Variants in ZNF740 observed in about 807,000 individuals in gnomAD.
ZNF740 encodes the protein zinc finger protein 740, also known as oriLyt TD-element-binding protein 7.
A neutral mutation model predicts 24.8 loss-of-function variants in ZNF740; 14 were observed. The observed-to-expected ratio is 0.56, with a 90% CI of 0.37 to 0.88. The LOEUF (loss-of-function observed/expected upper bound fraction) is 0.88. Ranked by LOEUF, ZNF740 falls within the 40% of genes least tolerant of loss-of-function variation. ZNF740 has a pLI of 0.00. For synonymous variants in ZNF740, 69 were observed against 84.0 expected (o/e 0.82, Z 0.98); for missense variants, 201 against 247.9 (o/e 0.81, Z 1.27).
In ZNF740 at chr12:53,184,960, A is replaced by G. The variant is rs747830767; in HGVS notation, c.79A>G (p.Met27Val). The change falls in exon 3 of 7, where the codon ATG becomes GTG. Residue 27 changes from methionine to valine, a missense_variant. Around this residue, in one of 3 missense-constraint regions of ZNF740, gnomAD observed 117 missense variants for 122.3 expected, o/e 0.96. Coordinates refer to ENST00000416904, the MANE Select transcript of ZNF740 (RefSeq NM_001004304.4). ...TCCCACTGCAGCCAGCAAGAAGATG[A>G]TGCTGAGCCAGATTGCCAGCAAGCA... is the stretch of plus-strand genomic sequence containing the variant. ...LVPTAASKKM[M>V]LSQIASKQAE... The G allele has an allele frequency of 1.2e-6, 2 of 1,614,044 alleles. No homozygotes were observed. Among genetic ancestry groups the G allele is most frequent in the East Asian group, 4.5e-5 (2 of 44,888 alleles).
In ZNF740 at chr12:53,192,658, C is replaced by T; in HGVS notation, c.*5068C>T. On this transcript the variant is annotated 3_prime_UTR_variant, in exon 7 of 7. Coordinates refer to ENST00000416904, the MANE Select transcript of ZNF740 (RefSeq NM_001004304.4). ...GTAGCTCAACAAGCCCCACTGTGCC[C>T]CTGCTCCCAAGATGCAAGACCTGAG... 1.2e-6 allele frequency: 2 copies of T among 1,605,964 alleles called. No homozygotes were observed. Among genetic ancestry groups the T allele is most frequent in the East Asian group, 2.2e-5 (1 of 44,714 alleles).
Position 53,181,706 on chromosome 12 carries a change from A to C in ZNF740, c.-278A>C. On this transcript the variant is annotated 5_prime_UTR_variant, in exon 2 of 7. Transcript: ENST00000416904. ...CTGAAACAGATCGTGAGCTTCATCA[A>C]GAGAATTCAACTGGAAAACCAAGAC... The C allele has an allele frequency of 2.1e-6, 1 of 474,148 alleles. No individual in the cohort carries two copies. Among genetic ancestry groups the C allele is most frequent in the East Asian group, 4.4e-5 (1 of 22,844 alleles). 29.4% of individuals were successfully genotyped at this position (474,148 alleles called of 1,614,324 possible).
At chr12:53,183,528 C>T (rs1219086124) in intron 2 of ZNF740, among the ~76,000 whole-genome samples, 3 of 151,912 alleles carry the variant, frequency 2.0e-5, no homozygotes, top group South Asian at 2.1e-4. Flanking sequence ...TCTTTAATGC[C>T]GGCTAACCGA....
In ZNF740 at chr12:53,188,408, T is replaced by C. The variant is rs1941863806; in HGVS notation, c.*818T>C. On this transcript the variant is annotated 3_prime_UTR_variant, in exon 7 of 7. Transcript: ENST00000416904. ...TGGCCCATGAAGCCCTTTTCTTCTT[T>C]TTTTGGGGAGTCGGTCTTGGAGATG... is the stretch of plus-strand genomic sequence containing the variant. 1 of 152,610 alleles carries C rather than the reference T, an allele frequency of 6.6e-6. No homozygotes were observed. Among genetic ancestry groups the C allele is most frequent in the Non-Finnish European group, 1.5e-5 (1 of 68,038 alleles). 9.5% of individuals were successfully genotyped at this position (152,610 alleles called of 1,614,324 possible). A position where few individuals can be genotyped will look rare whatever the true frequency, so the allele number is the denominator to read the frequency against.
Position 53,194,360 on chromosome 12 carries a change from G to A in ZNF740, c.*6770G>A, listed in dbSNP as rs376658776. On this transcript the variant is annotated 3_prime_UTR_variant, in exon 7 of 7. Transcript: ENST00000416904. ...AAGACAGGCTCTATGGGAAGAGAGC[G>A]AGTGGATAACCACGTGAAGGCAGAA... The A allele has an allele frequency of 2.3e-5, 37 of 1,613,160 alleles. No homozygotes were observed. In the African/African-American group the frequency reaches 3.7e-4, roughly 16 times the overall value.
chr12:53,194,761 C>T lies in ZNF740; in HGVS notation c.*7171C>T, dbSNP rs946530554. ...TCTTGCCATAGGTTTAGGAGATGCT[C>T]CCTGTTATCAAGAAGCCTACAGCCT... is the stretch of plus-strand genomic sequence containing the variant. On this transcript the variant is annotated 3_prime_UTR_variant, in exon 7 of 7. Transcript: ENST00000416904. The T allele has an allele frequency of 5.6e-6, 1 of 177,330 alleles. No individual in the cohort carries two copies. Among genetic ancestry groups the T allele is most frequent in the African/African-American group, 2.4e-5 (1 of 42,424 alleles). The allele number at this position is 177,330 out of a possible 1,614,324, so 11.0% of individuals were successfully genotyped here. A position where few individuals can be genotyped will look rare whatever the true frequency, so the allele number is the denominator to read the frequency against.
At chr12:53,185,184 A>AT in intron 3 of ZNF740, 144 bp downstream of exon 3, 2 of 1,375,830 alleles carry the variant, frequency 1.5e-6, no homozygotes, top group Non-Finnish European at 2.0e-6. Context: ...GAACATTGGT[A>AT]TTTCAGAAAG....
At chr12:53,187,425 C>T in intron 6 of ZNF740, 76 bp from the exon 7 acceptor site, 2 of 1,210,608 alleles carry the variant, frequency 1.7e-6, no homozygotes, top group Admixed American at 1.9e-5. Flanking sequence ...GTATCTGCCT[C>T]CTGTGAGAGG....
chr12:53,184,150 T>TGTGTGTGTGCGCGCGC lies in ZNF740; in HGVS notation c.10-740_10-739insTGTGTGTGCGCGCGCG, dbSNP rs59250662. Among the ~76,000 whole-genome samples the TGTGTGTGTGCGCGCGC allele has an allele frequency of 2.5e-3, 265 of 104,396 alleles. 6 individuals carry two copies. Among genetic ancestry groups the TGTGTGTGTGCGCGCGC allele is most frequent in the African/African-American group, 9.3e-3 (249 of 26,756 alleles). The allele number at this position is 104,396 out of a possible 152,430, so 68.5% of individuals were successfully genotyped here. ...GTGTGTGTGTGTGTGTGTGTGTGTG[T>TGTGTGTGTGCGCGCGC]GCGCGCGCGCGCTCTGAAGCTAAGG... On this transcript the variant is annotated intron_variant, in intron 2 of 6. Coordinates refer to ENST00000416904, the MANE Select transcript of ZNF740 (RefSeq NM_001004304.4).
chr12:53,181,828 T>C lies in ZNF740; in HGVS notation c.-156T>C. On this transcript the variant is annotated 5_prime_UTR_variant, in exon 2 of 7. Coordinates refer to ENST00000416904, the MANE Select transcript of ZNF740 (RefSeq NM_001004304.4). ...CTTTTCTTCGGAGGACACTAAGTTCTATTTGAAGACAAAGTTCAATATGGC... is the reference window on the plus strand; with the variant it reads ...CTTTTCTTCGGAGGACACTAAGTTCCATTTGAAGACAAAGTTCAATATGGC... The C allele has an allele frequency of 1.1e-6, 1 of 920,074 alleles. No homozygotes were observed. Among genetic ancestry groups the C allele is most frequent in the Non-Finnish European group, 1.6e-6 (1 of 607,296 alleles). The allele number at this position is 920,074 out of a possible 1,614,324, so 57.0% of individuals were successfully genotyped here.
In ZNF740 at chr12:53,193,197, G is replaced by T. The variant is rs376571398; in HGVS notation, c.*5607G>T. ...CTGGCATCGTCACACTCGCACAGATGCCCAGAGCTCTGTCCACTGCAGCTG... is the reference window on the plus strand; with the variant it reads ...CTGGCATCGTCACACTCGCACAGATTCCCAGAGCTCTGTCCACTGCAGCTG... On this transcript the variant is annotated 3_prime_UTR_variant, in exon 7 of 7. Transcript: ENST00000416904. 1 of 1,614,000 alleles carries T rather than the reference G, an allele frequency of 6.2e-7. No homozygotes were observed. The highest frequency in any genetic ancestry group is 1.1e-5 in the South Asian group (1 of 91,094).
rs1941906958 is a variant in ZNF740 at position 53,190,286 on chromosome 12, C to T, written c.*2696C>T. The T allele has an allele frequency of 6.5e-6, 1 of 152,726 alleles. No individual in the cohort carries two copies. Among genetic ancestry groups the T allele is most frequent in the African/African-American group, 2.4e-5 (1 of 41,454 alleles). 9.5% of individuals were successfully genotyped at this position (152,726 alleles called of 1,614,324 possible). A position where few individuals can be genotyped will look rare whatever the true frequency, so the allele number is the denominator to read the frequency against. On this transcript the variant is annotated 3_prime_UTR_variant, in exon 7 of 7. Coordinates refer to ENST00000416904, the MANE Select transcript of ZNF740 (RefSeq NM_001004304.4). ...CTGCAGAGGCTCCTGGGCCCAATGC[C>T]CGACCCCTGCTGGCCAGCATGGGGC... is the stretch of plus-strand genomic sequence containing the variant.
Position 53,195,138 on chromosome 12 carries a change from C to T in ZNF740, c.*7548C>T. ...TGAAATAAAAGCTCAGTGATTGAAA[C>T]TTTCCTTTCTTGCCCAGAGCAGAGC... On this transcript the variant is annotated 3_prime_UTR_variant, in exon 7 of 7. Transcript: ENST00000416904. 1 of 545,228 alleles carries T rather than the reference C, an allele frequency of 1.8e-6. No homozygotes were observed. Among genetic ancestry groups the T allele is most frequent in the South Asian group, 2.4e-5 (1 of 41,626 alleles). The allele number at this position is 545,228 out of a possible 1,614,324, so 33.8% of individuals were successfully genotyped here.
Position 53,185,474 on chromosome 12 carries a change from A to C in ZNF740, c.247A>C (p.Lys83Gln), listed in dbSNP as rs1362756245. 6.2e-7 allele frequency: 1 copy of C among 1,613,702 alleles called. No homozygotes were observed. Among genetic ancestry groups the C allele is most frequent in the Non-Finnish European group, 8.5e-7 (1 of 1,179,772 alleles). Residue 83 changes from lysine to glutamine, a missense_variant and splice_region_variant, in exon 4 of 7, where the codon AAG becomes CAG. Coordinates refer to ENST00000416904, the MANE Select transcript of ZNF740 (RefSeq NM_001004304.4). ...EASHSKKTVK[K>Q]VVVVEQNGSF... ...CTCTCATTCAAAAAAGACTGTTAAA[A>C]AGGCAGGTAATGGGGTGATCCCCCA... is the stretch of plus-strand genomic sequence containing the variant.
At position 53,192,037 on chromosome 12, in the gene ZNF740, GAC is replaced by G. The variant is rs1276003313; in HGVS notation, c.*4452_*4453del. 3.1e-6 allele frequency: 5 copies of G among 1,608,498 alleles called. No individual in the cohort carries two copies. The highest frequency in any genetic ancestry group is 4.2e-6 in the Non-Finnish European group (5 of 1,176,522). ...TGCTCCCTCTGTGAACAAGAAACCA[GAC>G]ACACTTGTGGGAGCTGGAGCATAGG... is the stretch of plus-strand genomic sequence containing the variant. On this transcript the variant is annotated 3_prime_UTR_variant, in exon 7 of 7. Transcript: ENST00000416904.
Position 53,192,040 on chromosome 12 carries a change from A to C in ZNF740, c.*4450A>C. ...TCCCTCTGTGAACAAGAAACCAGAC[A>C]CACTTGTGGGAGCTGGAGCATAGGG... On this transcript the variant is annotated 3_prime_UTR_variant, in exon 7 of 7. Coordinates refer to ENST00000416904, the MANE Select transcript of ZNF740 (RefSeq NM_001004304.4). 1.9e-6 allele frequency: 3 copies of C among 1,607,828 alleles called. No homozygotes were observed. Among genetic ancestry groups the C allele is most frequent in the Non-Finnish European group, 2.6e-6 (3 of 1,176,130 alleles).
chr12:53,181,144 C>A (rs1941605685), intron 1 of ZNF740: 1 of 983,164 alleles, frequency 1.0e-6, no homozygotes, highest in Non-Finnish European at 1.2e-6. Flanking sequence ...GGTGCAGAGG[C>A]TGGCTGGCCG....
Position 53,192,063 on chromosome 12 carries a change from G to A in ZNF740, c.*4473G>A, listed in dbSNP as rs778016038. On this transcript the variant is annotated 3_prime_UTR_variant, in exon 7 of 7. Coordinates refer to ENST00000416904, the MANE Select transcript of ZNF740 (RefSeq NM_001004304.4). ...ACACACTTGTGGGAGCTGGAGCATAGGGACAGATCATCAGTTGCTCACAGT... is the reference window on the plus strand; with the variant it reads ...ACACACTTGTGGGAGCTGGAGCATAAGGACAGATCATCAGTTGCTCACAGT... 1 of 1,593,952 alleles carries A rather than the reference G, an allele frequency of 6.3e-7. No individual in the cohort carries two copies. Among genetic ancestry groups the A allele is most frequent in the South Asian group, 1.1e-5 (1 of 89,914 alleles).
Position 53,186,528 on chromosome 12 carries a change from A to G in ZNF740, c.492+19A>G. ...TCATCAGGTAAGGCTCATCCCTGCT[A>G]CAATACCCCACACACACTTTTCCTT... On this transcript the variant is annotated intron_variant, in intron 6 of 6. Coordinates refer to ENST00000416904, the MANE Select transcript of ZNF740 (RefSeq NM_001004304.4). 6.5e-7 allele frequency: 1 copy of G among 1,529,896 alleles called. No homozygotes were observed. Among genetic ancestry groups the G allele is most frequent in the Non-Finnish European group, 8.9e-7 (1 of 1,126,926 alleles). 94.8% of individuals were successfully genotyped at this position (1,529,896 alleles called of 1,614,324 possible).
Sources: gnomAD v4.1 joint callset for allele counts (sites outside exome capture counted in the v4.1 genomes callset) on GRCh38, gnomAD v4.1.1 for gene constraint, gnomAD v4.1.1 regional missense constraint, MANE v1.5 for transcripts, NCBI Gene and HGNC (gene_info 2026-07-23, HGNC 2026-07-21) for gene names.